The following BLNK variants were observed in gnomAD, a reference collection of about 807,000 sequenced individuals.
BLNK encodes B cell linker, also known as B-cell linker protein.
A neutral mutation model predicts 73.5 loss-of-function variants in BLNK; 29 were observed. The ratio of observed to expected loss-of-function variants is 0.39; its 90% confidence interval spans 0.29 to 0.54. The LOEUF is 0.54. Ranked by LOEUF, BLNK falls within the 20% of genes least tolerant of loss-of-function variation. The pLI is 0.61. For synonymous variants in BLNK, 176 were observed against 200.8 expected (o/e 0.88, Z 1.04); for missense variants, 460 against 562.8 (o/e 0.82, Z 1.85).
intron 4 of BLNK, among the ~76,000 whole-genome samples, chr10:96,227,898 A>T (rs1842338538): frequency 6.6e-6 from 1 of 152,164 alleles, no homozygotes; most frequent in Non-Finnish European, 1.5e-5. Context: ...GGCCCAATAA[A>T]ATAGAATAAC....
chr10:96,193,384 A>G (rs2083376470), intron 16 of BLNK, among the ~76,000 whole-genome samples: 1 of 152,238 alleles, frequency 6.6e-6, no homozygotes. Context: ...TCCTGAACCT[A>G]GGAAGCATAG....
chr10:96,229,589 G>T (rs1463524257), intron 4 of BLNK, among the ~76,000 whole-genome samples: 1 of 151,790 alleles, frequency 6.6e-6, no homozygotes, highest in African/African-American at 2.4e-5. Flanking sequence ...CATCCAGCCA[G>T]CTTGCTCAGT....
chr10:96,257,906 G>T (rs1181492501), intron 1 of BLNK, among the ~76,000 whole-genome samples: 3 of 152,194 alleles, frequency 2.0e-5, no homozygotes, highest in Non-Finnish European at 4.4e-5. Context: ...GCAGACCGGA[G>T]AATTCTCTGA....
chr10:96,251,534 G>A (rs1249356916), intron 1 of BLNK, among the ~76,000 whole-genome samples: 2 of 152,206 alleles, frequency 1.3e-5, no homozygotes, highest in Admixed American at 6.5e-5. Flanking sequence ...ATGGTGGGGA[G>A]ATGGATAATA....
intron 1 of BLNK, among the ~76,000 whole-genome samples, chr10:96,268,724 C>T (rs183977856): frequency 9.9e-5 from 15 of 152,252 alleles, no homozygotes; most frequent in African/African-American, 3.4e-4. Flanking sequence ...TCTGCTTCCC[C>T]TCTCCTCCTA....
At chr10:96,244,080 A>G (rs1260646820) in intron 2 of BLNK, among the ~76,000 whole-genome samples, 1 of 152,196 alleles carries the variant, frequency 6.6e-6, no homozygotes, top group African/African-American at 2.4e-5. Flanking sequence ...AAAAATAACA[A>G]TATGTATATT....
intron 16 of BLNK, among the ~76,000 whole-genome samples, chr10:96,195,312 A>G (rs980105974): frequency 2.6e-5 from 4 of 152,218 alleles, no homozygotes; most frequent in South Asian, 2.1e-4. Flanking sequence ...ACTTCTGGGT[A>G]TATACCCCCA....
rs1243558474 is a variant in BLNK at position 96,208,035 on chromosome 10, TG to T, written c.747-137del. On this transcript the variant is annotated intron_variant, in intron 9 of 16. Transcript: ENST00000224337. ...TGTGTAGAAGACTATCCTTGCAGGG[TG>T]GAGAGGGATGGAAGTGGGATTTAGT... 6.6e-5 allele frequency: 60 copies of T among 908,788 alleles called. No individual in the cohort carries two copies. The East Asian group carries it at 1.5e-3, about 23-fold the overall frequency. 56.3% of individuals were successfully genotyped at this position (908,788 alleles called of 1,614,324 possible).
intron 13 of BLNK, among the ~76,000 whole-genome samples, chr10:96,201,767 C>CATT (rs1373519341): frequency 1.3e-5 from 2 of 152,022 alleles, no homozygotes; most frequent in African/African-American, 4.8e-5. Context: ...TTCATTCATT[C>CATT]ATTCTTGTTT....
intron 1 of BLNK, among the ~76,000 whole-genome samples, chr10:96,256,408 A>T (rs11188683): frequency 6.6e-6 from 1 of 152,190 alleles, no homozygotes; most frequent in African/African-American, 2.4e-5. Context: ...ATTTAAAAAT[A>T]AAAAAATTAA....
At chr10:96,255,770 G>C (rs1381358893) in intron 1 of BLNK, among the ~76,000 whole-genome samples, 2 of 152,132 alleles carry the variant, frequency 1.3e-5, no homozygotes, top group Non-Finnish European at 2.9e-5. Flanking sequence ...ACAGGAAAAT[G>C]CAGCAGCTGG....
chr10:96,266,566 G>A (rs1844016281), intron 1 of BLNK, among the ~76,000 whole-genome samples: 1 of 152,204 alleles, frequency 6.6e-6, no homozygotes, highest in African/African-American at 2.4e-5. Flanking sequence ...TTGCCCACAG[G>A]GAGAAAGAAC....
At chr10:96,262,020 G>A (rs1236113638) in intron 1 of BLNK, among the ~76,000 whole-genome samples, 1 of 152,154 alleles carries the variant, frequency 6.6e-6, no homozygotes, top group Non-Finnish European at 1.5e-5. Flanking sequence ...TCCCTCTGGG[G>A]AACTCCCGTT....
Position 96,247,049 on chromosome 10 carries a change from C to T in BLNK, c.48G>A (p.Arg16=), listed in dbSNP as rs11540858. The change falls in exon 2 of 17, where the codon AGG becomes AGA. Residue 16 remains arginine, a splice_region_variant and synonymous_variant. Transcript: ENST00000224337. ...KITVPASQKL[R]QLQKMVHDIK... ...TATCATGGACCATCTTTTGAAGCTG[C>T]CTGTAAAAAACAAAATTAAACATAA... 6.9e-3 allele frequency: 10,971 copies of T among 1,598,140 alleles called. 597 individuals are homozygous for T. The African/African-American group carries it at 0.12, about 17-fold the overall frequency.
chr10:96,190,499 AT>A lies in BLNK; in HGVS notation c.*1473del, dbSNP rs1282207287. 6.6e-6 allele frequency among the ~76,000 whole-genome samples: 1 copy of A among 152,196 alleles called. No individual in the cohort carries two copies. The highest frequency in any genetic ancestry group is 1.5e-5 in the Non-Finnish European group (1 of 68,030). On this transcript the variant is annotated 3_prime_UTR_variant, in exon 17 of 17. Transcript: ENST00000224337. ...CATTCTGAGATATGTGGCCTTATGG[AT>A]TAGGACTTCAACATATCTTTTTGAG...
At chr10:96,193,278 A>G (rs1554893923) in intron 16 of BLNK, among the ~76,000 whole-genome samples, 1 of 152,238 alleles carries the variant, frequency 6.6e-6, no homozygotes, top group East Asian at 1.9e-4. Flanking sequence ...ATATGTTGCT[A>G]AACCAAATGC....
At chr10:96,222,349 A>G (rs767578666) in intron 6 of BLNK, among the ~76,000 whole-genome samples, 14 of 152,340 alleles carry the variant, frequency 9.2e-5, no homozygotes, top group Non-Finnish European at 1.8e-4. Flanking sequence ...TGTGTAAGCC[A>G]TAAGTTTTAT....
intron 1 of BLNK, among the ~76,000 whole-genome samples, chr10:96,254,754 G>T (rs192378964): frequency 6.6e-6 from 1 of 151,806 alleles, no homozygotes. Context: ...CAGGTAATCC[G>T]CCCACCTCGG....
intron 2 of BLNK, among the ~76,000 whole-genome samples, chr10:96,246,139 T>TA (rs879955139): frequency 2.8e-4 from 41 of 148,056 alleles, no homozygotes; most frequent in Admixed American, 9.4e-4. Context: ...TTATTCTCTT[T>TA]AAAAAAAAAA....
Sources: gnomAD v4.1 joint callset for allele counts (sites outside exome capture counted in the v4.1 genomes callset) on GRCh38, gnomAD v4.1.1 for gene constraint, MANE v1.5 for transcripts, NCBI Gene and HGNC (gene_info 2026-07-23, HGNC 2026-07-21) for gene names.